CSTPP1: variants seen among roughly 807,000 people sequenced by gnomAD.
The protein encoded by CSTPP1 is centriolar satellite-associated tubulin polyglutamylase complex regulator 1, also known as UPF0705 protein C11orf49.
chr11:47,018,710 CTG>C, the CSTPP1 span, among the ~76,000 whole-genome samples: 1 of 152,196 alleles, frequency 6.6e-6, no homozygotes, highest in Non-Finnish European at 1.5e-5. Flanking sequence ...GCACTTGGCA[CTG>C]TCAGTATTTT....
chr11:47,088,135 C>T, the CSTPP1 span, among the ~76,000 whole-genome samples: 1 of 152,168 alleles, frequency 6.6e-6, no homozygotes, highest in Admixed American at 6.5e-5. Flanking sequence ...CCATTAGAAG[C>T]GTGTTGCTAA....
the CSTPP1 span, among the ~76,000 whole-genome samples, chr11:46,985,443 A>G: frequency 6.6e-6 from 1 of 152,204 alleles, no homozygotes; most frequent in Non-Finnish European, 1.5e-5. Context: ...GCAACTTCAT[A>G]GAATTGCTTT....
the CSTPP1 span, among the ~76,000 whole-genome samples, chr11:47,158,445 C>T: frequency 6.6e-6 from 1 of 152,126 alleles, no homozygotes; most frequent in Non-Finnish European, 1.5e-5. Flanking sequence ...ACTGAGCCTT[C>T]TCCACCCACC....
At chr11:46,983,045 T>C in the CSTPP1 span, among the ~76,000 whole-genome samples, 1 of 152,182 alleles carries the variant, frequency 6.6e-6, no homozygotes, top group African/African-American at 2.4e-5. Context: ...TTCTTAACCA[T>C]TGCAGTAAAA....
At chr11:46,948,164 C>A in the CSTPP1 span, 1 of 456,224 alleles carries the variant, frequency 2.2e-6, no homozygotes, top group South Asian at 1.5e-5. Context: ...CAAATTGACA[C>A]GTAAGTAGGC....
At chr11:46,980,778 C>T in the CSTPP1 span, among the ~76,000 whole-genome samples, 50 of 151,902 alleles carry the variant, frequency 3.3e-4, no homozygotes, top group Non-Finnish European at 5.6e-4. Flanking sequence ...AAAAAGACAA[C>T]CAGAGAAGAA....
chr11:46,987,186 C>G, the CSTPP1 span: 1 of 1,606,902 alleles, frequency 6.2e-7, no homozygotes, highest in Non-Finnish European at 8.5e-7. Flanking sequence ...TTTTCTCTTT[C>G]TCTCTTGCTA....
the CSTPP1 span, chr11:47,052,467 T>G: frequency 6.2e-7 from 1 of 1,614,134 alleles, no homozygotes; most frequent in East Asian, 2.2e-5. Context: ...CAATAGGGTA[T>G]CATTTTTACG....
chr11:47,157,900 C>T, the CSTPP1 span: 1 of 1,614,034 alleles, frequency 6.2e-7, no homozygotes, highest in Non-Finnish European at 8.5e-7. Flanking sequence ...TCTCAAAGCA[C>T]CGTGGAATCA....
chr11:47,042,872 C>T, the CSTPP1 span, among the ~76,000 whole-genome samples: 57 of 152,244 alleles, frequency 3.7e-4, no homozygotes, highest in African/African-American at 1.3e-3. Context: ...CTTGGTAGGT[C>T]AAATGTTTGT....
chr11:47,125,842 C>A, the CSTPP1 span, among the ~76,000 whole-genome samples: 3 of 152,048 alleles, frequency 2.0e-5, no homozygotes, highest in Non-Finnish European at 4.4e-5. Flanking sequence ...GATGGCAAAA[C>A]CCCGTCTCTA....
the CSTPP1 span, among the ~76,000 whole-genome samples, chr11:47,002,092 A>T: frequency 6.8e-6 from 1 of 146,236 alleles, no homozygotes; most frequent in Non-Finnish European, 1.5e-5. Flanking sequence ...CCCTCCCCTG[A>T]CTTTTTTCCA....
the CSTPP1 span, among the ~76,000 whole-genome samples, chr11:46,965,205 T>C: frequency 2.3e-4 from 34 of 150,604 alleles, no homozygotes; most frequent in South Asian, 7.1e-3. Context: ...GCCTATAGCA[T>C]ATTAACACAA....
chr11:47,038,482 G>A, the CSTPP1 span, among the ~76,000 whole-genome samples: 1 of 110,026 alleles, frequency 9.1e-6, no homozygotes, highest in Non-Finnish European at 2.3e-5. Flanking sequence ...CTCCCGGACG[G>A]GGCGGCCGGC....
At chr11:46,996,327 G>A in the CSTPP1 span, among the ~76,000 whole-genome samples, 2,181 of 149,770 alleles carry the variant, frequency 0.015, 52 homozygotes, top group African/African-American at 0.05. Flanking sequence ...TTTTTGAGAC[G>A]GAGTTTCGCT....
the CSTPP1 span, among the ~76,000 whole-genome samples, chr11:47,007,001 GTT>G: frequency 9.0e-6 from 1 of 111,136 alleles, no homozygotes; most frequent in Non-Finnish European, 1.8e-5. Flanking sequence ...ATTTTGTGTG[GTT>G]TTTTTTTTTT....
the CSTPP1 span, among the ~76,000 whole-genome samples, chr11:47,001,621 C>T: frequency 3.9e-4 from 59 of 151,764 alleles, no homozygotes; most frequent in South Asian, 0.012. Flanking sequence ...TAAAACGTAA[C>T]TCTAATGAAA....
the CSTPP1 span, among the ~76,000 whole-genome samples, chr11:47,067,197 T>C: frequency 6.6e-6 from 1 of 152,232 alleles, no homozygotes; most frequent in Non-Finnish European, 1.5e-5. Context: ...AAGGGAGTAA[T>C]AGTAAATTTG....
chr11:47,059,579 G>T, the CSTPP1 span, among the ~76,000 whole-genome samples: 1,148 of 152,310 alleles, frequency 7.5e-3, 7 homozygotes, highest in Non-Finnish European at 0.013. Context: ...CAGGGAACAC[G>T]ATTTCTGAAA....
Sources: allele counts gnomAD v4.1 joint callset (sites outside exome capture counted in the v4.1 genomes callset), GRCh38; gene constraint gnomAD v4.1.1; transcripts MANE v1.5; gene names NCBI Gene and HGNC (gene_info 2026-07-23, HGNC 2026-07-21).